WDR17: variants seen among roughly 807,000 people sequenced by gnomAD.
The protein encoded by WDR17 is WD repeat-containing protein 17.
WDR17 carries 143 observed loss-of-function variants against 161.7 expected under a neutral mutation model. That is an observed-to-expected ratio of 0.88 (90% CI 0.77 to 1.02). The LOEUF (loss-of-function observed/expected upper bound fraction) is 1.02, where lower values mean the gene tolerates loss of function less well. Ranked by LOEUF, WDR17 falls within the 50% of genes least tolerant of loss-of-function variation. The pLI is 0.00. For synonymous variants in WDR17, 517 were observed against 515.6 expected, an observed-to-expected ratio of 1.00 and a Z score of -0.04; for missense variants, 1,469 against 1,520.9, an observed-to-expected ratio of 0.97 and a Z score of 0.57.
At chr4:176,175,999 T>C (rs565228135) in intron 26 of WDR17, among the ~76,000 whole-genome samples, 1 of 152,212 alleles carries the variant, frequency 6.6e-6, no homozygotes, top group Non-Finnish European at 1.5e-5. Flanking sequence ...GAATTAATAC[T>C]ATCAGCATGC....
chr4:176,164,921 C>T (rs12505769), intron 22 of WDR17, among the ~76,000 whole-genome samples: 75,733 of 151,888 alleles, frequency 0.5, 19,393 homozygotes, highest in Admixed American at 0.62. Flanking sequence ...GACTTGCCTT[C>T]GTCTCAAAGC....
Position 176,181,468 on chromosome 4 carries a change from CA to C in WDR17, c.*1894del, listed in dbSNP as rs1484242253. On this transcript the variant is annotated 3_prime_UTR_variant, in exon 29 of 29. Coordinates refer to ENST00000508596, the MANE Select transcript of WDR17 (RefSeq NM_181265.4). ...GGCGACAGAGCAAGACCACCATCTC[CA>C]AAAATTATATATATAAAAATAATTA... The C allele has an allele frequency of 1.8e-5, 4 of 218,628 alleles. No individual in the cohort carries two copies. Among genetic ancestry groups the C allele is most frequent in the Admixed American group, 5.5e-5 (1 of 18,176 alleles). The allele number at this position is 218,628 out of a possible 1,614,324, so 13.5% of individuals were successfully genotyped here.
chr4:176,174,181 CTTTTTG>C (rs1751138971), intron 25 of WDR17, among the ~76,000 whole-genome samples: 3 of 152,010 alleles, frequency 2.0e-5, no homozygotes, highest in Admixed American at 1.3e-4. Flanking sequence ...GCTTTGGGCT[CTTTTTG>C]TTTTAAAGCC....
At position 176,181,510 on chromosome 4, in the gene WDR17, A is replaced by T. The variant is rs1465851143; in HGVS notation, c.*1931A>T. On this transcript the variant is annotated 3_prime_UTR_variant, in exon 29 of 29. Transcript: ENST00000508596. ...AAAATAATTAATATTATAGAAGAGA[A>T]TATACACAACTCAGAGATGCAATGG... 4.4e-6 allele frequency: 1 copy of T among 225,372 alleles called. No individual in the cohort carries two copies. Among genetic ancestry groups the T allele is most frequent in the Non-Finnish European group, 8.7e-6 (1 of 114,386 alleles). The allele number at this position is 225,372 out of a possible 1,614,324, so 14.0% of individuals were successfully genotyped here. A position where few individuals can be genotyped will look rare whatever the true frequency, so the allele number is the denominator to read the frequency against.
At chr4:176,141,661 G>C (rs1317886219) in intron 10 of WDR17, among the ~76,000 whole-genome samples, 2 of 152,048 alleles carry the variant, frequency 1.3e-5, no homozygotes, top group African/African-American at 2.4e-5. Flanking sequence ...TTGAACCCCT[G>C]ACCTCAAGTG....
chr4:176,150,040 C>T lies in WDR17; in HGVS notation c.2048-3C>T. 6.2e-7 allele frequency: 1 copy of T among 1,613,098 alleles called. No homozygotes were observed. Among genetic ancestry groups the T allele is most frequent in the Non-Finnish European group, 8.5e-7 (1 of 1,179,800 alleles). The stretch of plus-strand genomic sequence containing the variant: ...TTCTCACTGAATTATGTCTGTTCTT[C>T]AGATTATGCTATAGAACCAGGCACT... On this transcript the variant is annotated splice_polypyrimidine_tract_variant and splice_region_variant and intron_variant, in intron 14 of 28. Transcript: ENST00000508596.
intron 18 of WDR17, 134 bp from the exon 19 acceptor site, chr4:176,159,860 C>CT (rs968223256): frequency 1.3e-6 from 1 of 765,100 alleles, no homozygotes; most frequent in Non-Finnish European, 1.9e-6. Flanking sequence ...TATAAAATGT[C>CT]TTTTTTAAAA....
rs115975263 is a variant in WDR17, at chr4:176,083,652, A to G, written c.-7+17573A>G. On this transcript the variant is annotated intron_variant, in intron 1 of 28. Coordinates refer to ENST00000508596, the MANE Select transcript of WDR17 (RefSeq NM_181265.4). Reference sequence around the variant, plus strand: ...AGAAATACTGTGAATATTCTAATACATGTCTTTTGATGAACATTACCCATT... The same window carrying G: ...AGAAATACTGTGAATATTCTAATACGTGTCTTTTGATGAACATTACCCATT... 4.2e-3 allele frequency among the ~76,000 whole-genome samples: 644 copies of G among 152,222 alleles called. 5 individuals are homozygous for G. Among genetic ancestry groups the G allele is most frequent in the African/African-American group, 0.014 (602 of 41,542 alleles).
rs948905746 is a variant in WDR17 at position 176,141,878 on chromosome 4, C to G, written c.1443-105C>G. On this transcript the variant is annotated intron_variant, in intron 10 of 28. Coordinates refer to ENST00000508596, the MANE Select transcript of WDR17 (RefSeq NM_181265.4). ...TCTTTTTGCTTTGTAGACAAAATCT[C>G]TATCCTGGAATATTTCTATTTGAAA... 1.2e-4 allele frequency: 107 copies of G among 905,512 alleles called. No individual in the cohort carries two copies. In the African/African-American group the frequency reaches 1.8e-3, roughly 15 times the overall value. 56.1% of individuals were successfully genotyped at this position (905,512 alleles called of 1,614,324 possible).
At chr4:176,088,999 C>T (rs1735768550) in intron 1 of WDR17, among the ~76,000 whole-genome samples, 1 of 152,064 alleles carries the variant, frequency 6.6e-6, no homozygotes, top group Non-Finnish European at 1.5e-5. Context: ...TGAAATTGCC[C>T]AAGTGAAGTT....
At chr4:176,157,737 CAT>C (rs1748385409) in intron 18 of WDR17, among the ~76,000 whole-genome samples, 1 of 152,194 alleles carries the variant, frequency 6.6e-6, no homozygotes, top group Non-Finnish European at 1.5e-5. Context: ...TGATTATTGA[CAT>C]ATTTTATTAG....
chr4:176,148,042 C>T (rs1682847934), intron 12 of WDR17, 91 bp from the exon 13 acceptor site: 2 of 1,101,736 alleles, frequency 1.8e-6, no homozygotes, highest in Admixed American at 5.4e-5. Flanking sequence ...GATAAGCTAA[C>T]AAATAATTAT....
rs552282630 is a variant in WDR17, at chr4:176,160,213, A to G, written c.2658+87A>G. The G allele has an allele frequency of 6.7e-6, 10 of 1,492,428 alleles. No individual in the cohort carries two copies. The African/African-American group carries it at 1.2e-4, about 18-fold the overall frequency. 92.4% of individuals were successfully genotyped at this position (1,492,428 alleles called of 1,614,324 possible). ...GTTGTGTTGACTGGCTCACCCTTACATAATTGACAAAGTCATAAAGGGCTT... is the reference window on the plus strand; with the variant it reads ...GTTGTGTTGACTGGCTCACCCTTACGTAATTGACAAAGTCATAAAGGGCTT... On this transcript the variant is annotated intron_variant, in intron 19 of 28. Coordinates refer to ENST00000508596, the MANE Select transcript of WDR17 (RefSeq NM_181265.4).
chr4:176,161,118 C>T (rs906801248), intron 20 of WDR17, 116 bp downstream of exon 20: 21 of 697,718 alleles, frequency 3.0e-5, no homozygotes, highest in Non-Finnish European at 3.8e-5. Context: ...CTGCCTCAAC[C>T]GCATTCCTCA....
At chr4:176,178,561 T>C (rs1456067758) in intron 28 of WDR17, among the ~76,000 whole-genome samples, 1 of 152,174 alleles carries the variant, frequency 6.6e-6, no homozygotes, top group Non-Finnish European at 1.5e-5. Context: ...AATTATCTCA[T>C]ATACACTGAG....
intron 10 of WDR17, among the ~76,000 whole-genome samples, chr4:176,140,848 G>A (rs1745146506): frequency 6.6e-6 from 1 of 152,000 alleles, no homozygotes. Context: ...TGTGCTAATT[G>A]ATAGATACCA....
At chr4:176,167,577 G>A (rs1431535383) in intron 22 of WDR17, among the ~76,000 whole-genome samples, 70 of 143,930 alleles carry the variant, frequency 4.9e-4, no homozygotes, top group Non-Finnish European at 9.0e-4. Context: ...ACCCCAGGGG[G>A]CGGAGCCTGC....
In WDR17 at chr4:176,146,719, T is replaced by C. The variant is rs116673492; in HGVS notation, c.1694+560T>C. The stretch of plus-strand genomic sequence containing the variant: ...TAACAGTAAGTTATTTTGATACAAA[T>C]CCCTTTAATGTATTCTTATTTATGA... On this transcript the variant is annotated intron_variant, in intron 12 of 28. Coordinates refer to ENST00000508596, the MANE Select transcript of WDR17 (RefSeq NM_181265.4). Among the ~76,000 whole-genome samples, 680 of 152,258 alleles carry C rather than the reference T, an allele frequency of 4.5e-3. 6 individuals are homozygous for C. Among genetic ancestry groups the C allele is most frequent in the African/African-American group, 0.016 (650 of 41,540 alleles).
chr4:176,157,337 C>G (rs1748314515), intron 18 of WDR17, among the ~76,000 whole-genome samples: 1 of 152,114 alleles, frequency 6.6e-6, no homozygotes, highest in African/African-American at 2.4e-5. Flanking sequence ...AAATCAACTG[C>G]TTCTTATAGA....
Sources: gnomAD v4.1 joint callset for allele counts (sites outside exome capture counted in the v4.1 genomes callset) on GRCh38, gnomAD v4.1.1 for gene constraint, MANE v1.5 for transcripts, NCBI Gene and HGNC (gene_info 2026-07-23, HGNC 2026-07-21) for gene names.